Variants in SPATA17 observed in about 807,000 individuals in gnomAD.
SPATA17 encodes the protein spermatogenesis associated 17.
Under a neutral mutation model 62.2 loss-of-function variants are expected in SPATA17, and 53 were observed. The ratio of observed to expected loss-of-function variants is 0.85; its 90% CI spans 0.68 to 1.07. The LOEUF (loss-of-function observed/expected upper bound fraction) is 1.07. Ranked by LOEUF, SPATA17 falls within the 50% of genes least tolerant of loss-of-function variation. The pLI is 0.00. For synonymous variants in SPATA17, 146 were observed against 146.8 expected (o/e 0.99, Z 0.04); for missense variants, 466 against 425.5 (o/e 1.10, Z -0.84).
Position 217,742,086 on chromosome 1 carries a change from C to A in SPATA17, c.507C>A (p.Leu169=). 1 of 1,614,074 alleles carries A rather than the reference C, an allele frequency of 6.2e-7. No homozygotes were observed. The highest frequency in any genetic ancestry group is 8.5e-7 in the Non-Finnish European group (1 of 1,179,968). ...DYQARKMHYL[L]STKQIPGIYN... ...AAGCCCGAAAGATGCATTACCTCCT[C>A]AGCACAAAGCAGGTTGGTTTACCTG... The change falls in exon 6 of 11, where the codon CTC becomes CTA. Residue 169 remains leucine, a synonymous_variant. Transcript: ENST00000366933.
chr1:217,697,017 A>G (rs1034364809), intron 5 of SPATA17, among the ~76,000 whole-genome samples: 1 of 151,876 alleles, frequency 6.6e-6, no homozygotes. Flanking sequence ...TTGTTTTTGT[A>G]TTCTTTTGTT....
intron 6 of SPATA17, 32 bp from the exon 7 acceptor site, chr1:217,774,302 G>GA (rs759628893): frequency 5.1e-6 from 8 of 1,574,580 alleles, no homozygotes; most frequent in Non-Finnish European, 6.1e-6. Flanking sequence ...GAAAATTAAA[G>GA]AAAAAATCAA....
chr1:217,760,272 G>C (rs922066317), intron 6 of SPATA17, among the ~76,000 whole-genome samples: 1 of 151,976 alleles, frequency 6.6e-6, no homozygotes, highest in African/African-American at 2.4e-5. Context: ...AATTTTCTGG[G>C]CCTTCTACTA....
chr1:217,656,392 A>G (rs77472190), intron 3 of SPATA17, among the ~76,000 whole-genome samples: 4,167 of 152,322 alleles, frequency 0.027, 85 homozygotes, highest in Middle Eastern at 0.058. Flanking sequence ...GGCATCACCC[A>G]GTATAATCAC....
At chr1:217,753,532 G>A (rs1056976578) in intron 6 of SPATA17, among the ~76,000 whole-genome samples, 15 of 151,308 alleles carry the variant, frequency 9.9e-5, no homozygotes, top group South Asian at 2.1e-4. Context: ...TAGTAGATTC[G>A]GTGCCTTTTT....
At chr1:217,696,367 C>T (rs866861496) in intron 5 of SPATA17, among the ~76,000 whole-genome samples, 1 of 152,290 alleles carries the variant, frequency 6.6e-6, no homozygotes, top group South Asian at 2.1e-4. Flanking sequence ...ACAGTGCGCG[C>T]ACCCACTGGC....
At chr1:217,793,293 T>G (rs2102983203) in intron 8 of SPATA17, among the ~76,000 whole-genome samples, 1 of 139,560 alleles carries the variant, frequency 7.2e-6, no homozygotes, top group Non-Finnish European at 1.5e-5. Flanking sequence ...CGATCTCGGC[T>G]CACTGCAAGC....
intron 6 of SPATA17, among the ~76,000 whole-genome samples, chr1:217,764,058 A>G (rs757133991): frequency 3.1e-4 from 47 of 152,182 alleles, no homozygotes; most frequent in Non-Finnish European, 4.0e-4. Context: ...TGGTGCATTT[A>G]TTACTATTAA....
intron 5 of SPATA17, among the ~76,000 whole-genome samples, chr1:217,696,491 G>C (rs1391684142): frequency 3.3e-5 from 5 of 152,318 alleles, no homozygotes; most frequent in Admixed American, 1.3e-4. Flanking sequence ...GTAGACCAGA[G>C]CTGTTCCTAT....
intron 1 of SPATA17, among the ~76,000 whole-genome samples, chr1:217,636,901 A>C (rs1040402956): frequency 6.6e-6 from 1 of 152,206 alleles, no homozygotes; most frequent in Non-Finnish European, 1.5e-5. Context: ...TTTAAAACAC[A>C]TAAGTTTTTT....
At chr1:217,782,083 T>C (rs1176687844) in intron 7 of SPATA17, 91 bp from the exon 8 acceptor site, 2 of 1,270,308 alleles carry the variant, frequency 1.6e-6, no homozygotes, top group Non-Finnish European at 2.1e-6. Flanking sequence ...GTAAACCTGC[T>C]ATACTTTGTA....
intron 6 of SPATA17, among the ~76,000 whole-genome samples, chr1:217,749,983 C>CTGTATA (rs1387385689): frequency 2.5e-4 from 6 of 24,068 alleles, no homozygotes; most frequent in African/African-American, 9.4e-4. Context: ...CTCTCTCTCT[C>CTGTATA]TCTATATATA....
intron 9 of SPATA17, among the ~76,000 whole-genome samples, chr1:217,808,354 C>T (rs896766452): frequency 2.2e-5 from 2 of 91,066 alleles, no homozygotes; most frequent in Admixed American, 2.2e-4. Flanking sequence ...AATACACACA[C>T]ACACACACAC....
At chr1:217,775,947 T>C (rs1673581321) in intron 7 of SPATA17, among the ~76,000 whole-genome samples, 1 of 152,160 alleles carries the variant, frequency 6.6e-6, no homozygotes, top group Non-Finnish European at 1.5e-5. Context: ...AAAAATATTG[T>C]TATACCACTA....
intron 5 of SPATA17, among the ~76,000 whole-genome samples, chr1:217,722,825 G>T (rs1672169219): frequency 6.6e-6 from 1 of 152,106 alleles, no homozygotes; most frequent in Non-Finnish European, 1.5e-5. Context: ...TGGTCTGCAA[G>T]GTATCGTGAC....
intron 9 of SPATA17, among the ~76,000 whole-genome samples, chr1:217,853,705 C>A (rs1452329243): frequency 6.6e-6 from 1 of 152,112 alleles, no homozygotes; most frequent in Non-Finnish European, 1.5e-5. Flanking sequence ...AACATTTTTG[C>A]CAACCAATCA....
intron 7 of SPATA17, among the ~76,000 whole-genome samples, chr1:217,777,540 TAC>T (rs1010893654): frequency 2.6e-4 from 40 of 152,270 alleles, no homozygotes; most frequent in African/African-American, 9.4e-4. Context: ...TAGCTGGTAT[TAC>T]AGGCACCTGC....
At chr1:217,705,336 C>T (rs1258341770) in intron 5 of SPATA17, among the ~76,000 whole-genome samples, 5 of 138,286 alleles carry the variant, frequency 3.6e-5, no homozygotes, top group African/African-American at 1.3e-4. Flanking sequence ...GCAAATATTT[C>T]CTCCTATTCT....
In SPATA17 at chr1:217,862,062, T is replaced by G. The variant is rs558959610; in HGVS notation, c.1006-712T>G. On this transcript the variant is annotated intron_variant, in intron 9 of 10. Transcript: ENST00000366933. The stretch of plus-strand genomic sequence containing the variant: ...GGCATAGGTCTTTTCTCCTATGTTT[T>G]CTTAAGAAAAAAAAAAAAACTCAGC... 2.9e-4 allele frequency among the ~76,000 whole-genome samples: 44 copies of G among 151,444 alleles called. 1 individual carries two copies. The highest frequency in any genetic ancestry group is 1.0e-3 in the South Asian group (5 of 4,778).
Sources: gnomAD v4.1 joint callset for allele counts (sites outside exome capture counted in the v4.1 genomes callset) on GRCh38, gnomAD v4.1.1 for gene constraint, MANE v1.5 for transcripts, NCBI Gene and HGNC (gene_info 2026-07-23, HGNC 2026-07-21) for gene names.